The following EYA4 variants were observed in gnomAD, a reference collection of about 807,000 sequenced individuals.
EYA4 encodes the protein EYA transcriptional coactivator and phosphatase 4, also known as protein phosphatase EYA4.
A neutral mutation model predicts 87.9 loss-of-function variants in EYA4; 31 were observed. The ratio of observed to expected loss-of-function variants is 0.35; its 90% CI spans 0.27 to 0.48. The LOEUF (loss-of-function observed/expected upper bound fraction) is 0.48, where lower values mean the gene tolerates loss of function less well. EYA4 is among the 20% of genes least tolerant of loss of function. The probability of loss-of-function intolerance (pLI) is 0.99; values close to 1 mark genes in which losing one functional copy is unlikely to be tolerated. For missense variants in EYA4, 678 were observed against 761.4 expected (o/e 0.89, Z 1.29); for synonymous variants, 263 against 270.6 (o/e 0.97, Z 0.28).
chr6:133,424,514 C>T (rs1011595012), intron 3 of EYA4, among the ~76,000 whole-genome samples: 1 of 152,140 alleles, frequency 6.6e-6, no homozygotes, highest in African/African-American at 2.4e-5. Context: ...CAAACACCCC[C>T]CCCCCAGCCT....
chr6:133,507,679 T>C (rs886609612), intron 14 of EYA4, among the ~76,000 whole-genome samples: 1 of 152,224 alleles, frequency 6.6e-6, no homozygotes. Flanking sequence ...TCCAGCTTCA[T>C]ACATGTCCCT....
chr6:133,419,375 G>T (rs1790026611), intron 3 of EYA4, among the ~76,000 whole-genome samples: 2 of 152,112 alleles, frequency 1.3e-5, no homozygotes. Context: ...AGATGTCAAT[G>T]GTGTTATCTC....
At chr6:133,308,417 G>T (rs527708042) in intron 2 of EYA4, among the ~76,000 whole-genome samples, 67 of 152,218 alleles carry the variant, frequency 4.4e-4, no homozygotes, top group Non-Finnish European at 6.9e-4. Context: ...TTAGATTTGG[G>T]GTACATGTGT....
intron 2 of EYA4, among the ~76,000 whole-genome samples, chr6:133,293,186 T>C (rs1436663353): frequency 6.6e-6 from 1 of 152,312 alleles, no homozygotes; most frequent in South Asian, 2.1e-4. Flanking sequence ...GTCTTTGTTA[T>C]GCCCTCACCA....
chr6:133,372,220 G>C (rs1244162166), intron 2 of EYA4, among the ~76,000 whole-genome samples: 1 of 152,046 alleles, frequency 6.6e-6, no homozygotes, highest in Non-Finnish European at 1.5e-5. Context: ...TCACATGCTT[G>C]TATGTGTGAA....
At chr6:133,477,032 C>T (rs561631953) in intron 11 of EYA4, among the ~76,000 whole-genome samples, 72 of 152,168 alleles carry the variant, frequency 4.7e-4, no homozygotes, top group African/African-American at 1.6e-3. Flanking sequence ...CTTCTGCTTT[C>T]CTTCTCCTTC....
chr6:133,497,565 TAC>T (rs1482793590), intron 13 of EYA4, among the ~76,000 whole-genome samples: 7 of 152,190 alleles, frequency 4.6e-5, no homozygotes, highest in Non-Finnish European at 1.0e-4. Context: ...AATTGCAATG[TAC>T]AGTGTCTGTG....
At chr6:133,490,022 T>A (rs1246909972) in intron 13 of EYA4, among the ~76,000 whole-genome samples, 1 of 151,690 alleles carries the variant, frequency 6.6e-6, no homozygotes, top group East Asian at 1.9e-4. Context: ...GGGAACAGAG[T>A]CAAAGTGTAG....
In EYA4 at chr6:133,506,457, A is replaced by G. The variant is rs6911807; in HGVS notation, c.1281+262A>G. The stretch of plus-strand genomic sequence containing the variant: ...CTGTCCTTACTGTCCACAGCTGTAC[A>G]TGACTCTTGGTTCTTTTAGTGTTTC... On this transcript the variant is annotated intron_variant, in intron 14 of 19. Coordinates refer to ENST00000355286, the MANE Select transcript of EYA4 (RefSeq NM_004100.5). 0.2 allele frequency among the ~76,000 whole-genome samples: 30,588 copies of G among 152,110 alleles called. 3,375 individuals carry two copies. Among genetic ancestry groups the G allele is most frequent in the South Asian group, 0.31 (1,489 of 4,826 alleles).
chr6:133,333,919 A>T (rs1385703115), intron 2 of EYA4, among the ~76,000 whole-genome samples: 2 of 152,176 alleles, frequency 1.3e-5, no homozygotes, highest in African/African-American at 4.8e-5. Flanking sequence ...AGGTTTTTTT[A>T]GGGTAAGGAA....
chr6:133,405,515 T>G (rs975491256), intron 3 of EYA4, among the ~76,000 whole-genome samples: 1 of 152,226 alleles, frequency 6.6e-6, no homozygotes, highest in Non-Finnish European at 1.5e-5. Context: ...CTCGGTATTC[T>G]ATATTCTATT....
At chr6:133,501,247 A>G (rs1798089641) in intron 13 of EYA4, among the ~76,000 whole-genome samples, 1 of 151,774 alleles carries the variant, frequency 6.6e-6, no homozygotes, top group South Asian at 2.1e-4. Context: ...TTTTTCTTTC[A>G]TAGCTCATCA....
chr6:133,394,415 G>T (rs1393613613), intron 3 of EYA4, among the ~76,000 whole-genome samples: 1 of 147,990 alleles, frequency 6.8e-6, no homozygotes, highest in Non-Finnish European at 1.5e-5. Flanking sequence ...AATAATACAG[G>T]TATCTTTAGT....
At chr6:133,528,661 A>T in intron 19 of EYA4, 64 bp from the exon 20 acceptor site, 1 of 1,122,430 alleles carries the variant, frequency 8.9e-7, no homozygotes, top group Non-Finnish European at 1.4e-6. Flanking sequence ...AATGGTTGTG[A>T]TCTCTCTCCA....
At chr6:133,437,156 C>T (rs562667386) in intron 3 of EYA4, among the ~76,000 whole-genome samples, 1 of 152,118 alleles carries the variant, frequency 6.6e-6, no homozygotes, top group South Asian at 2.1e-4. Flanking sequence ...ACATAAGGAC[C>T]ACTAACAAGG....
At chr6:133,377,557 C>A (rs1365089204) in intron 2 of EYA4, among the ~76,000 whole-genome samples, 4 of 123,242 alleles carry the variant, frequency 3.2e-5, no homozygotes, top group Non-Finnish European at 3.3e-5. Flanking sequence ...AGTTGTTTTT[C>A]ACATTAGTTT....
At chr6:133,392,869 C>T (rs1322070106) in intron 3 of EYA4, among the ~76,000 whole-genome samples, 4 of 152,162 alleles carry the variant, frequency 2.6e-5, no homozygotes. Context: ...CTACAGTAAA[C>T]TGAGCTCAGA....
intron 16 of EYA4, among the ~76,000 whole-genome samples, chr6:133,514,735 G>A (rs555039894): frequency 4.7e-4 from 72 of 152,132 alleles, no homozygotes; most frequent in Middle Eastern, 6.8e-3. Flanking sequence ...ATTCATGATT[G>A]TAACTGTCCT....
intron 3 of EYA4, among the ~76,000 whole-genome samples, chr6:133,432,291 C>T (rs1273750588): frequency 2.0e-5 from 3 of 152,198 alleles, no homozygotes; most frequent in African/African-American, 2.4e-5. Context: ...ACTAAACACA[C>T]GGCGCAAGGA....
Sources: gnomAD v4.1 joint callset for allele counts (sites outside exome capture counted in the v4.1 genomes callset) on GRCh38, gnomAD v4.1.1 for gene constraint, MANE v1.5 for transcripts, NCBI Gene and HGNC (gene_info 2026-07-23, HGNC 2026-07-21) for gene names.